Variants in ADA2 observed in about 807,000 individuals in gnomAD.
ADA2 encodes the protein adenosine deaminase CECR1.
A neutral mutation model predicts 44.2 loss-of-function variants in ADA2; 29 were observed. The ratio of observed to expected loss-of-function variants is 0.66; its 90% CI spans 0.49 to 0.89. The LOEUF (loss-of-function observed/expected upper bound fraction) is 0.89, where lower values mean the gene tolerates loss of function less well. ADA2 is among the 40% of genes least tolerant of loss of function. The pLI is 0.00. For missense variants in ADA2, 637 were observed against 644.8 expected (o/e 0.99, Z 0.13); for synonymous variants, 215 against 234.9 (o/e 0.92, Z 0.77).
At chr22:17,207,367 G>T in intron 2 of ADA2, 77 bp from the exon 3 acceptor site, 2 of 1,076,462 alleles carry the variant, frequency 1.9e-6, no homozygotes, top group Non-Finnish European at 2.8e-6. Context: ...GGACAAAGGA[G>T]GGGGTGAAGT....
In ADA2 at chr22:17,199,477, G is replaced by A. The variant is rs540274197; in HGVS notation, c.753+4086C>T. 72 of 841,224 alleles carry A rather than the reference G, an allele frequency of 8.6e-5. No individual in the cohort carries two copies. In the Admixed American group the frequency reaches 1.8e-3, roughly 21 times the overall value. The allele number at this position is 841,224 out of a possible 1,614,324, so 52.1% of individuals were successfully genotyped here. ...CACGAAGATCCCAGGGTTCTGCGAGGGTCGGAGTTCCCTATGCACTCCCAC... is the reference window on the plus strand; with the variant it reads ...CACGAAGATCCCAGGGTTCTGCGAGAGTCGGAGTTCCCTATGCACTCCCAC... On this transcript the variant is annotated intron_variant, in intron 4 of 9. Coordinates refer to ENST00000399837, the MANE Select transcript of ADA2 (RefSeq NM_001282225.2).
chr22:17,209,310 C>A (rs1248672646), intron 2 of ADA2, 46 bp downstream of exon 2: 5 of 1,499,466 alleles, frequency 3.3e-6, no homozygotes, highest in Admixed American at 3.5e-5. Context: ...CAAGATGAGT[C>A]CCTCTACCTT....
intron 7 of ADA2, among the ~76,000 whole-genome samples, chr22:17,186,340 G>A (rs2062035075): frequency 6.6e-6 from 1 of 152,180 alleles, no homozygotes; most frequent in Non-Finnish European, 1.5e-5. Context: ...CAGCACTTTG[G>A]GAGGCCAAGG....
At position 17,181,594 on chromosome 22, in the gene ADA2, G is replaced by A; in HGVS notation, c.1443-18C>T. On this transcript the variant is annotated intron_variant, in intron 9 of 9. Transcript: ENST00000399837. Reference sequence around the variant, plus strand: ...TACTGTACCTGCAGGAAGAGGAGGAGCCCAGGTCAGCCTCAGGGCAGGGGT... The same window carrying A: ...TACTGTACCTGCAGGAAGAGGAGGAACCCAGGTCAGCCTCAGGGCAGGGGT... 1 of 1,543,588 alleles carries A rather than the reference G, an allele frequency of 6.5e-7. No individual in the cohort carries two copies. The highest frequency in any genetic ancestry group is 9.0e-7 in the Non-Finnish European group (1 of 1,116,528).
At chr22:17,216,055 C>T (rs1387681870) in intron 1 of ADA2, among the ~76,000 whole-genome samples, 3 of 151,624 alleles carry the variant, frequency 2.0e-5, no homozygotes, top group Non-Finnish European at 2.9e-5. Flanking sequence ...GGCGTGGTGG[C>T]GTGCACCTGT....
At chr22:17,213,855 C>T (rs1421963515) in intron 1 of ADA2, 2 of 282,508 alleles carry the variant, frequency 7.1e-6, no homozygotes, top group South Asian at 6.6e-5. Context: ...CTGGCCAACA[C>T]GGTGAAACCC....
Position 17,181,331 on chromosome 22 carries a change from T to C in ADA2, c.*152A>G. On this transcript the variant is annotated 3_prime_UTR_variant, in exon 10 of 10. Transcript: ENST00000399837. ...GCTGAGAGAGAATATTTCCAGAGGATGAATTTGCTCAGCCAGCCAAGTGCT... is the reference window on the plus strand; with the variant it reads ...GCTGAGAGAGAATATTTCCAGAGGACGAATTTGCTCAGCCAGCCAAGTGCT... 1.5e-6 allele frequency: 1 copy of C among 659,912 alleles called. No individual in the cohort carries two copies. The highest frequency in any genetic ancestry group is 2.8e-6 in the Non-Finnish European group (1 of 362,068). 40.9% of individuals were successfully genotyped at this position (659,912 alleles called of 1,614,324 possible).
chr22:17,213,858 T>C (rs2062442906), intron 1 of ADA2: 1 of 283,554 alleles, frequency 3.5e-6, no homozygotes, highest in South Asian at 3.3e-5. Context: ...GCCAACACGG[T>C]GAAACCCCGT....
Position 17,193,685 on chromosome 22 carries a change from A to G in ADA2, c.754-1875T>C, listed in dbSNP as rs1481450722. On this transcript the variant is annotated intron_variant, in intron 4 of 9. Coordinates refer to ENST00000399837, the MANE Select transcript of ADA2 (RefSeq NM_001282225.2). ...TCCACCTTAAAAAAAAACTAAAAAA[A>G]AAAAAAAAAGATGTGGGAATTTCTG... Among the ~76,000 whole-genome samples the G allele has an allele frequency of 2.6e-5, 4 of 151,586 alleles. 1 individual carries two copies. The Middle Eastern group carries it at 0.01, about 389-fold the overall frequency.
chr22:17,199,984 C>A (rs544248592), intron 4 of ADA2, among the ~76,000 whole-genome samples: 5 of 152,198 alleles, frequency 3.3e-5, no homozygotes, highest in Admixed American at 1.3e-4. Flanking sequence ...CACTTGAGGT[C>A]GTGAGTTCGA....
At chr22:17,197,421 C>T (rs2062206737) in intron 4 of ADA2, among the ~76,000 whole-genome samples, 1 of 152,058 alleles carries the variant, frequency 6.6e-6, no homozygotes, top group Admixed American at 6.6e-5. Context: ...ACCACCATAC[C>T]TGGCTAATTA....
At chr22:17,199,096 C>G (rs1399342105) in intron 4 of ADA2, among the ~76,000 whole-genome samples, 1 of 152,164 alleles carries the variant, frequency 6.6e-6, no homozygotes, top group African/African-American at 2.4e-5. Flanking sequence ...GGGTCAGACC[C>G]GAACAAATGG....
intron 7 of ADA2, among the ~76,000 whole-genome samples, chr22:17,184,368 G>A (rs759443234): frequency 4.6e-5 from 7 of 152,130 alleles, no homozygotes; most frequent in Non-Finnish European, 8.8e-5. Flanking sequence ...GCTGGACTGG[G>A]AGGTTATTTG....
chr22:17,209,213 C>T, intron 2 of ADA2, 143 bp downstream of exon 2: 1 of 705,686 alleles, frequency 1.4e-6, no homozygotes, highest in Non-Finnish European at 2.4e-6. Flanking sequence ...TCCTAGTCTA[C>T]CCATAAGGAC....
Position 17,193,209 on chromosome 22 carries a change from C to T in ADA2, c.754-1399G>A, listed in dbSNP as rs16980763. 4.9e-3 allele frequency: 5,953 copies of T among 1,211,870 alleles called. 219 individuals carry two copies. In the African/African-American group the frequency reaches 0.078, roughly 16 times the overall value. The allele number at this position is 1,211,870 out of a possible 1,614,324, so 75.1% of individuals were successfully genotyped here. A position where few individuals can be genotyped will look rare whatever the true frequency, so the allele number is the denominator to read the frequency against. Reference sequence around the variant, plus strand: ...CTCCCTGTGCTGACATCGCTCACAACGTTTCCTCTAAGAACCACGAAGCCA... The same window carrying T: ...CTCCCTGTGCTGACATCGCTCACAATGTTTCCTCTAAGAACCACGAAGCCA... On this transcript the variant is annotated intron_variant, in intron 4 of 9. Coordinates refer to ENST00000399837, the MANE Select transcript of ADA2 (RefSeq NM_001282225.2).
chr22:17,219,021 G>C (rs990547268), intron 1 of ADA2, among the ~76,000 whole-genome samples: 1 of 152,188 alleles, frequency 6.6e-6, no homozygotes, highest in Non-Finnish European at 1.5e-5. Context: ...GCCGGGCGTG[G>C]TGGTGGGTGC....
chr22:17,221,536 C>T (rs569713264), upstream of ADA2, among the ~76,000 whole-genome samples: 100 of 151,428 alleles, frequency 6.6e-4, no homozygotes, highest in Middle Eastern at 6.8e-3. Context: ...TCTTTCCAAA[C>T]GCTTTAGCTA....
intron 1 of ADA2, chr22:17,213,517 C>G (rs1319959595): frequency 3.7e-6 from 1 of 273,518 alleles, no homozygotes; most frequent in Non-Finnish European, 7.3e-6. Flanking sequence ...GTCGTGGATG[C>G]CTACGAGCAG....
chr22:17,192,966 T>C (rs2062139379), intron 4 of ADA2: 4 of 615,912 alleles, frequency 6.5e-6, no homozygotes, highest in Non-Finnish European at 1.2e-5. Flanking sequence ...AAAGTTCATC[T>C]GGCACCGGTC....
Sources: gnomAD v4.1 joint callset for allele counts (sites outside exome capture counted in the v4.1 genomes callset) on GRCh38, gnomAD v4.1.1 for gene constraint, MANE v1.5 for transcripts, NCBI Gene and HGNC (gene_info 2026-07-23, HGNC 2026-07-21) for gene names.